TMEM229B: variants seen among roughly 807,000 people sequenced by gnomAD.
TMEM229B encodes transmembrane protein 229B.
Under a neutral mutation model 13.7 loss-of-function variants are expected in TMEM229B, and 6 were observed. That is an observed-to-expected ratio of 0.44 (90% CI 0.24 to 0.86). The LOEUF (loss-of-function observed/expected upper bound fraction) is 0.86, where lower values mean the gene tolerates loss of function less well. Among genes scored for constraint, TMEM229B ranks in the 40% least tolerant of loss-of-function variants. The pLI, the probability that TMEM229B is intolerant of heterozygous loss-of-function variation, is 0.23. For missense variants in TMEM229B, 170 were observed against 236.0 expected, an observed-to-expected ratio of 0.72 and a Z score of 1.83; for synonymous variants, 107 against 102.1, an observed-to-expected ratio of 1.05 and a Z score of -0.29.
intron 1 of TMEM229B, among the ~76,000 whole-genome samples, chr14:67,508,753 CAAAA>C (rs757183130): frequency 6.4e-5 from 3 of 46,710 alleles, no homozygotes; most frequent in African/African-American, 1.3e-4. Flanking sequence ...AACCTTGTCT[CAAAA>C]AAAAAAAAAA....
At chr14:67,527,653 T>C (rs891639839) in intron 1 of TMEM229B, among the ~76,000 whole-genome samples, 2 of 152,190 alleles carry the variant, frequency 1.3e-5, no homozygotes, top group Admixed American at 6.5e-5. Context: ...AAACCAACAA[T>C]GTGTTTTGTA....
intron 1 of TMEM229B, chr14:67,533,255 A>C (rs935407668): frequency 2.0e-5 from 3 of 151,790 alleles, no homozygotes; most frequent in Admixed American, 2.0e-4. Context: ...CCCGCCCCGC[A>C]GCCCACGACC....
chr14:67,498,310 C>G (rs1050976132), intron 1 of TMEM229B, among the ~76,000 whole-genome samples: 1 of 152,144 alleles, frequency 6.6e-6, no homozygotes, highest in Non-Finnish European at 1.5e-5. Context: ...CTGTGGTTCT[C>G]CCTGTGCACA....
intron 1 of TMEM229B, among the ~76,000 whole-genome samples, chr14:67,511,029 TC>T (rs766901628): frequency 1.1e-4 from 16 of 152,164 alleles, no homozygotes; most frequent in Non-Finnish European, 1.8e-4. Flanking sequence ...TTGGCTGGCA[TC>T]CCTAGCTCCT....
chr14:67,504,176 G>C (rs899940451), intron 1 of TMEM229B, among the ~76,000 whole-genome samples: 4 of 151,988 alleles, frequency 2.6e-5, no homozygotes, highest in African/African-American at 7.2e-5. Flanking sequence ...ACCATGCCCA[G>C]ATAATTTTTG....
chr14:67,513,145 C>A (rs2033083003), intron 1 of TMEM229B, among the ~76,000 whole-genome samples: 1 of 152,158 alleles, frequency 6.6e-6, no homozygotes, highest in African/African-American at 2.4e-5. Flanking sequence ...ATCTTAAGGT[C>A]AGTACATTTG....
chr14:67,480,741 G>C (rs2031536726), intron 2 of TMEM229B, among the ~76,000 whole-genome samples: 1 of 152,164 alleles, frequency 6.6e-6, no homozygotes, highest in Admixed American at 6.5e-5. Flanking sequence ...GCAGCAGCCT[G>C]ACATGACTGT....
chr14:67,496,565 T>C (rs1012969447), intron 1 of TMEM229B, among the ~76,000 whole-genome samples: 1 of 151,958 alleles, frequency 6.6e-6, no homozygotes, highest in African/African-American at 2.4e-5. Context: ...GAAAAGCTGC[T>C]GGAAGAGAAG....
chr14:67,492,429 TCTC>T (rs2032206670), upstream of TMEM229B, among the ~76,000 whole-genome samples: 1 of 152,162 alleles, frequency 6.6e-6, no homozygotes, highest in Non-Finnish European at 1.5e-5. Flanking sequence ...CAGCAAGCCT[TCTC>T]CTGTCAGTCA....
intron 2 of TMEM229B, among the ~76,000 whole-genome samples, chr14:67,478,181 C>A (rs1003738750): frequency 3.3e-5 from 5 of 152,228 alleles, no homozygotes; most frequent in Admixed American, 2.6e-4. Context: ...TCCTCCGGGG[C>A]CCAGTGGACT....
At chr14:67,522,731 A>T (rs2033309463) in intron 1 of TMEM229B, among the ~76,000 whole-genome samples, 1 of 152,186 alleles carries the variant, frequency 6.6e-6, no homozygotes, top group South Asian at 2.1e-4. Context: ...TTTCTCCCAT[A>T]GGAGCCGGCT....
At chr14:67,520,068 G>C (rs1019792790), upstream of TMEM229B, among the ~76,000 whole-genome samples, 1 of 152,134 alleles carries the variant, frequency 6.6e-6, no homozygotes, top group Non-Finnish European at 1.5e-5. Context: ...GCAAAATTGA[G>C]AAGAAAGTAC....
chr14:67,528,659 T>C (rs2033402613), intron 1 of TMEM229B, among the ~76,000 whole-genome samples: 1 of 152,164 alleles, frequency 6.6e-6, no homozygotes, highest in South Asian at 2.1e-4. Flanking sequence ...TCCCTCCCTC[T>C]CCTGTCCCTA....
chr14:67,515,989 C>T (rs2033192573), upstream of TMEM229B, among the ~76,000 whole-genome samples: 3 of 152,212 alleles, frequency 2.0e-5, no homozygotes, highest in South Asian at 6.2e-4. Context: ...ATAAAGGTTA[C>T]AGAGAATATG....
At chr14:67,504,305 T>A in intron 1 of TMEM229B, among the ~76,000 whole-genome samples, 1 of 152,180 alleles carries the variant, frequency 6.6e-6, no homozygotes, top group East Asian at 1.9e-4. Flanking sequence ...TGAGCCACCG[T>A]GCCCAGGCTC....
chr14:67,480,865 C>T (rs1054108416), intron 2 of TMEM229B, among the ~76,000 whole-genome samples: 36 of 152,084 alleles, frequency 2.4e-4, no homozygotes, highest in African/African-American at 8.0e-4. Flanking sequence ...TGGTAACAGA[C>T]GGGAGGGTCC....
intron 2 of TMEM229B, among the ~76,000 whole-genome samples, chr14:67,480,526 C>G (rs1237226517): frequency 1.3e-5 from 2 of 152,116 alleles, no homozygotes; most frequent in African/African-American, 4.8e-5. Flanking sequence ...AACCTCCTAC[C>G]CCCGGGCAGG....
chr14:67,477,166 CAA>C (rs3070452), intron 2 of TMEM229B, among the ~76,000 whole-genome samples: 4,124 of 137,096 alleles, frequency 0.03, 67 homozygotes, highest in African/African-American at 0.037. Context: ...AACTCCATCT[CAA>C]AAAAAAAAAA....
chr14:67,504,016 T>A (rs569231345), intron 1 of TMEM229B, among the ~76,000 whole-genome samples: 19 of 147,392 alleles, frequency 1.3e-4, no homozygotes, highest in South Asian at 4.3e-4. Context: ...TTTTAATTTT[T>A]ATTTTTATTA....
Sources: allele counts gnomAD v4.1 joint callset (sites outside exome capture counted in the v4.1 genomes callset), GRCh38; gene constraint gnomAD v4.1.1; transcripts MANE v1.5; gene names NCBI Gene and HGNC (gene_info 2026-07-23, HGNC 2026-07-21).